The following FRAS1 variants were observed in gnomAD, a reference collection of about 807,000 sequenced individuals.
FRAS1 encodes Fraser extracellular matrix complex subunit 1.
A neutral mutation model predicts 435.2 loss-of-function variants in FRAS1; 290 were observed. The observed-to-expected ratio is 0.67, with a 90% CI of 0.61 to 0.73. The LOEUF is 0.73. Among genes scored for constraint, FRAS1 ranks in the 30% least tolerant of loss-of-function variants. FRAS1 has a pLI of 0.00. For synonymous variants in FRAS1, 1,800 were observed against 1,851.0 expected (o/e 0.97, Z 0.71); for missense variants, 4,860 against 5,001.5 (o/e 0.97, Z 0.85).
In FRAS1 at chr4:78,203,570, T is replaced by A. The variant is rs1246766287; in HGVS notation, c.109-33940T>A. On this transcript the variant is annotated intron_variant, in intron 2 of 73. Transcript: ENST00000512123. ...CTCTCTATTTTATTTTATTTTTTTA[T>A]TTTATTTTATTTTTAGATGGAGTTT... 2.0e-5 allele frequency among the ~76,000 whole-genome samples: 3 copies of A among 152,116 alleles called. No individual in the cohort carries two copies. In the South Asian group the frequency reaches 6.2e-4, roughly 32 times the overall value.
At chr4:78,182,556 C>A (rs1327119527) in intron 2 of FRAS1, among the ~76,000 whole-genome samples, 1 of 152,128 alleles carries the variant, frequency 6.6e-6, no homozygotes, top group African/African-American at 2.4e-5. Context: ...CAGTTTAAGT[C>A]TGAGATACTT....
Position 78,181,389 on chromosome 4 carries a change from C to G in FRAS1, c.109-56121C>G. 7 of 1,611,920 alleles carry G rather than the reference C, an allele frequency of 4.3e-6. No individual in the cohort carries two copies. The South Asian group carries it at 7.7e-5, about 18-fold the overall frequency. On this transcript the variant is annotated intron_variant, in intron 2 of 73. Coordinates refer to ENST00000512123, the MANE Select transcript of FRAS1 (RefSeq NM_025074.7). Reference sequence around the variant, plus strand: ...TTGACAGTTCCCCAGTTGTGAGATCCGCTACCTCCACGTTTGTCCTCGTGC... The same window carrying G: ...TTGACAGTTCCCCAGTTGTGAGATCGGCTACCTCCACGTTTGTCCTCGTGC...
rs371038747 is a variant in FRAS1, at chr4:78,480,073, G to A, written c.8443+355G>A. ...CTCACCTCAAGCATTTATCCTTTGT[G>A]TTATGTACAATCCAATTATACTCTT... is the stretch of plus-strand genomic sequence containing the variant. On this transcript the variant is annotated intron_variant, in intron 56 of 73. Transcript: ENST00000512123. Among the ~76,000 whole-genome samples the A allele has an allele frequency of 2.0e-4, 31 of 152,268 alleles. No individual in the cohort carries two copies. The East Asian group carries it at 4.6e-3, about 23-fold the overall frequency.
chr4:78,437,990 A>G (rs1734494253), intron 38 of FRAS1, among the ~76,000 whole-genome samples: 1 of 125,454 alleles, frequency 8.0e-6, no homozygotes, highest in Non-Finnish European at 1.8e-5. Context: ...TTTGGTGCTG[A>G]TAAAATGAAA....
At chr4:78,202,982 T>C (rs1236747663) in intron 2 of FRAS1, among the ~76,000 whole-genome samples, 1 of 152,180 alleles carries the variant, frequency 6.6e-6, no homozygotes, top group Non-Finnish European at 1.5e-5. Flanking sequence ...TTTGTGGATG[T>C]GAATGTTCCA....
chr4:78,378,492 T>G (rs1219453120), intron 26 of FRAS1, among the ~76,000 whole-genome samples: 2 of 152,134 alleles, frequency 1.3e-5, no homozygotes, highest in Non-Finnish European at 2.9e-5. Context: ...ATTGAGGAAC[T>G]GTCCAACTGT....
At position 78,282,889 on chromosome 4, in the gene FRAS1, G is replaced by T; in HGVS notation, c.1177G>T (p.Glu393Ter). The T allele has an allele frequency of 6.2e-7, 1 of 1,612,538 alleles. No individual in the cohort carries two copies. The highest frequency in any genetic ancestry group is 8.5e-7 in the Non-Finnish European group (1 of 1,179,518). ...ECRGAQVTCY[E>*]PSCPPCPVGT... ...CCGAGGGGCTCAGGTAACTTGCTAC[G>T]AGCCCTCTTGCCCACCATGTCCAGT... Residue 393 changes from glutamate (E) to a stop codon, truncating the protein, a stop_gained, in exon 12 of 74, where the codon GAG (glutamate) becomes TAG (stop). Coordinates refer to ENST00000512123, the MANE Select transcript of FRAS1 (RefSeq NM_025074.7). LOFTEE classifies it high-confidence loss of function.
At chr4:78,188,275 G>GTCTA (rs1722364343) in intron 2 of FRAS1, among the ~76,000 whole-genome samples, 2 of 2,776 alleles carry the variant, frequency 7.2e-4, no homozygotes, top group African/African-American at 8.6e-4. Flanking sequence ...CAGTCTATCT[G>GTCTA]TCTGTCTATC....
chr4:78,429,940 A>G (rs1734147237), intron 36 of FRAS1, among the ~76,000 whole-genome samples: 1 of 152,212 alleles, frequency 6.6e-6, no homozygotes, highest in Non-Finnish European at 1.5e-5. Flanking sequence ...AAACAATGAA[A>G]TGCCAAACAA....
In FRAS1 at chr4:78,265,026, A is replaced by G. The variant is rs1726281384; in HGVS notation, c.605A>G (p.Asp202Gly). ...AQCQPLFCNQ[D>G]ETVVRVPGKC... ...ATTGTTCCTGTTCTGCGTGTTAAGG[A>G]TGAGACTGTAGTCCGAGTCCCTGGA... The change falls in exon 7 of 74, where the codon GAT becomes GGT. Residue 202 changes from aspartate to glycine, a missense_variant and splice_region_variant. Asp to Gly is a moderately conservative substitution (Grantham distance 94). Coordinates refer to ENST00000512123, the MANE Select transcript of FRAS1 (RefSeq NM_025074.7). The G allele has an allele frequency of 2.5e-6, 4 of 1,596,862 alleles. No individual in the cohort carries two copies. In the South Asian group the frequency reaches 3.3e-5, roughly 13 times the overall value.
intron 2 of FRAS1, among the ~76,000 whole-genome samples, chr4:78,077,729 A>G (rs1186010143): frequency 2.6e-5 from 4 of 152,184 alleles, no homozygotes; most frequent in Non-Finnish European, 4.4e-5. Context: ...TCACTTATAA[A>G]CAGAAAGCAA....
intron 2 of FRAS1, among the ~76,000 whole-genome samples, chr4:78,235,906 G>A (rs986489272): frequency 6.6e-6 from 1 of 152,198 alleles, no homozygotes; most frequent in African/African-American, 2.4e-5. Context: ...CTGTGATCAT[G>A]CCACTGCACT....
chr4:78,488,301 A>G (rs1720236329), intron 58 of FRAS1, among the ~76,000 whole-genome samples: 1 of 152,212 alleles, frequency 6.6e-6, no homozygotes, highest in Non-Finnish European at 1.5e-5. Flanking sequence ...TGTCATAAAA[A>G]ACCACATCTC....
intron 1 of FRAS1, among the ~76,000 whole-genome samples, chr4:78,060,620 T>C (rs1247679310): frequency 6.6e-6 from 1 of 152,196 alleles, no homozygotes; most frequent in African/African-American, 2.4e-5. Flanking sequence ...CCAAATTATA[T>C]TATTTTGAAT....
chr4:78,364,963 T>G (rs1417611094), intron 22 of FRAS1, among the ~76,000 whole-genome samples: 1 of 152,182 alleles, frequency 6.6e-6, no homozygotes, highest in African/African-American at 2.4e-5. Context: ...AGCAAGCCAA[T>G]TAACCACTAG....
At chr4:78,357,738 A>G (rs1321786259) in intron 20 of FRAS1, among the ~76,000 whole-genome samples, 1 of 152,096 alleles carries the variant, frequency 6.6e-6, no homozygotes, top group Admixed American at 6.5e-5. Context: ...TCCTGTCTGT[A>G]TGAAAAATAA....
chr4:78,179,370 C>T (rs1721906239), intron 2 of FRAS1, among the ~76,000 whole-genome samples: 1 of 152,136 alleles, frequency 6.6e-6, no homozygotes, highest in African/African-American at 2.4e-5. Context: ...ATATCACGTG[C>T]CAGCAGGTAG....
At chr4:78,066,952 A>AT (rs1740069008) in intron 2 of FRAS1, among the ~76,000 whole-genome samples, 1 of 152,054 alleles carries the variant, frequency 6.6e-6, no homozygotes, top group Non-Finnish European at 1.5e-5. Flanking sequence ...TTTTTTAAAT[A>AT]TTTTTCTATC....
intron 70 of FRAS1, among the ~76,000 whole-genome samples, chr4:78,531,927 A>C (rs1393478006): frequency 6.6e-6 from 1 of 152,130 alleles, no homozygotes; most frequent in Non-Finnish European, 1.5e-5. Flanking sequence ...CTCTCCTTTA[A>C]AATATATTAA....
Sources: gnomAD v4.1 joint callset for allele counts (sites outside exome capture counted in the v4.1 genomes callset) on GRCh38, gnomAD v4.1.1 for gene constraint, MANE v1.5 for transcripts, NCBI Gene and HGNC (gene_info 2026-07-23, HGNC 2026-07-21) for gene names.